CNTNAP2: variants seen among roughly 807,000 people sequenced by gnomAD.
CNTNAP2 encodes the protein contactin associated protein 2, also known as contactin-associated protein-like 2.
In CNTNAP2, 98 loss-of-function variants were observed where a neutral mutation model predicts 155.2. The observed-to-expected ratio is 0.63, with a 90% CI of 0.54 to 0.75. The LOEUF (loss-of-function observed/expected upper bound fraction) is 0.75. Among genes scored for constraint, CNTNAP2 ranks in the 30% least tolerant of loss-of-function variants. CNTNAP2 has a pLI of 0.00. For synonymous variants in CNTNAP2, 651 were observed against 631.2 expected, an observed-to-expected ratio of 1.03 and a Z score of -0.47; for missense variants, 1,727 against 1,688.1, an observed-to-expected ratio of 1.02 and a Z score of -0.40.
intron 13 of CNTNAP2, among the ~76,000 whole-genome samples, chr7:147,764,731 T>C (rs1354695597): frequency 6.6e-6 from 1 of 152,230 alleles, no homozygotes; most frequent in Non-Finnish European, 1.5e-5. Context: ...TGAGTTCTGC[T>C]GAAATAGCCC....
At chr7:148,069,627 G>A (rs987361854) in intron 15 of CNTNAP2, among the ~76,000 whole-genome samples, 10 of 151,970 alleles carry the variant, frequency 6.6e-5, no homozygotes, top group African/African-American at 2.4e-4. Context: ...GGGCATGGTG[G>A]CGGGCGCCTG....
At chr7:146,972,345 T>C (rs1797818329) in intron 3 of CNTNAP2, among the ~76,000 whole-genome samples, 1 of 152,150 alleles carries the variant, frequency 6.6e-6, no homozygotes, top group South Asian at 2.1e-4. Flanking sequence ...TTAAAATCAA[T>C]ACAGAGGAAA....
intron 1 of CNTNAP2, among the ~76,000 whole-genome samples, chr7:146,593,835 G>A (rs1264556058): frequency 6.6e-6 from 1 of 152,060 alleles, no homozygotes; most frequent in African/African-American, 2.4e-5. Context: ...ACTTTTAGAC[G>A]CCTGTGTTTG....
intron 1 of CNTNAP2, among the ~76,000 whole-genome samples, chr7:146,451,433 G>A (rs1796479306): frequency 6.6e-6 from 1 of 151,862 alleles, no homozygotes; most frequent in Admixed American, 6.6e-5. Context: ...GCTTATCTCT[G>A]ACCTTTCCAC....
intron 1 of CNTNAP2, among the ~76,000 whole-genome samples, chr7:146,527,507 T>C (rs1797708285): frequency 6.6e-6 from 1 of 151,882 alleles, no homozygotes; most frequent in Non-Finnish European, 1.5e-5. Context: ...GTCTGGAATT[T>C]ATCTTTACAC....
intron 1 of CNTNAP2, among the ~76,000 whole-genome samples, chr7:146,409,383 C>A (rs541920588): frequency 6.6e-6 from 1 of 152,034 alleles, no homozygotes; most frequent in Non-Finnish European, 1.5e-5. Flanking sequence ...GTTTTAGTAG[C>A]AATTAAGTAA....
chr7:146,174,585 C>T (rs907128238), intron 1 of CNTNAP2, among the ~76,000 whole-genome samples: 1 of 152,110 alleles, frequency 6.6e-6, no homozygotes, highest in African/African-American at 2.4e-5. Flanking sequence ...CACCTGTAAT[C>T]CCAGCACTTT....
intron 1 of CNTNAP2, among the ~76,000 whole-genome samples, chr7:146,592,667 T>G (rs1473319753): frequency 1.3e-5 from 2 of 151,912 alleles, no homozygotes; most frequent in African/African-American, 4.8e-5. Context: ...AAAAATCATC[T>G]TCTAGATCAA....
chr7:147,987,523 G>A (rs980223366), intron 15 of CNTNAP2, among the ~76,000 whole-genome samples: 1 of 152,142 alleles, frequency 6.6e-6, no homozygotes, highest in African/African-American at 2.4e-5. Flanking sequence ...CTGCAGGTCT[G>A]TGTTGTCAAC....
chr7:147,897,555 T>C (rs2708270), intron 13 of CNTNAP2, among the ~76,000 whole-genome samples: 100,588 of 152,066 alleles, frequency 0.66, 33,539 homozygotes, highest in Middle Eastern at 0.76. Context: ...AATATGATAA[T>C]CAGTTTTGGT....
Position 147,229,804 on chromosome 7 carries a change from G to A in CNTNAP2, c.1349-70337G>A, listed in dbSNP as rs899646699. On this transcript the variant is annotated intron_variant, in intron 8 of 23. Coordinates refer to ENST00000361727, the MANE Select transcript of CNTNAP2 (RefSeq NM_014141.6). ...ACAAATACATATTATAACTGAAATT[G>A]CAATATAATAAATTAAAAAATAAAT... 3.3e-5 allele frequency among the ~76,000 whole-genome samples: 5 copies of A among 152,002 alleles called. No individual in the cohort carries two copies. In the East Asian group the frequency reaches 7.7e-4, roughly 23 times the overall value.
chr7:147,053,693 G>A (rs1176240742), intron 4 of CNTNAP2, among the ~76,000 whole-genome samples: 1 of 151,874 alleles, frequency 6.6e-6, no homozygotes, highest in Non-Finnish European at 1.5e-5. Flanking sequence ...CTAGAATAAG[G>A]GAGGGTATAA....
intron 13 of CNTNAP2, among the ~76,000 whole-genome samples, chr7:147,748,109 A>C (rs970118818): frequency 1.7e-4 from 26 of 152,242 alleles, no homozygotes; most frequent in African/African-American, 5.5e-4. Flanking sequence ...TATCTTGCAG[A>C]GTGCATCAAG....
At chr7:147,342,720 G>A (rs1035407229) in intron 9 of CNTNAP2, among the ~76,000 whole-genome samples, 1 of 151,998 alleles carries the variant, frequency 6.6e-6, no homozygotes, top group African/African-American at 2.4e-5. Flanking sequence ...GAGAGCAGCA[G>A]CAACAAAAAG....
At chr7:147,969,185 G>A (rs1039845069) in intron 14 of CNTNAP2, among the ~76,000 whole-genome samples, 1 of 146,860 alleles carries the variant, frequency 6.8e-6, no homozygotes, top group African/African-American at 2.7e-5. Flanking sequence ...GAGTAGCTGG[G>A]ACGACAGGCA....
chr7:146,709,112 C>A (rs60651753), intron 1 of CNTNAP2, among the ~76,000 whole-genome samples: 3,326 of 152,116 alleles, frequency 0.022, 121 homozygotes, highest in African/African-American at 0.076. Flanking sequence ...TCTGTAAAGT[C>A]AAATACAAGG....
chr7:147,355,105 G>C (rs1026663703), intron 9 of CNTNAP2, among the ~76,000 whole-genome samples: 2 of 151,742 alleles, frequency 1.3e-5, no homozygotes, highest in Admixed American at 1.3e-4. Context: ...CATCTGGCTT[G>C]AGGAGCTTTA....
chr7:147,435,046 GC>G (rs1797528553), intron 10 of CNTNAP2, among the ~76,000 whole-genome samples: 1 of 152,128 alleles, frequency 6.6e-6, no homozygotes, highest in Non-Finnish European at 1.5e-5. Context: ...GTGAAAAATG[GC>G]GATCGTTATA....
At chr7:146,169,777 G>A (rs1003710770) in intron 1 of CNTNAP2, among the ~76,000 whole-genome samples, 31 of 150,858 alleles carry the variant, frequency 2.1e-4, no homozygotes, top group Non-Finnish European at 3.5e-4. Flanking sequence ...GTTCATCCAT[G>A]TTGTTGCAAA....
Sources: allele counts gnomAD v4.1 joint callset (sites outside exome capture counted in the v4.1 genomes callset), GRCh38; gene constraint gnomAD v4.1.1; transcripts MANE v1.5; gene names NCBI Gene and HGNC (gene_info 2026-07-23, HGNC 2026-07-21).